Variants in CD47 observed in about 807,000 individuals in gnomAD.
CD47 encodes CD47 molecule, also known as leukocyte surface antigen CD47.
Under a neutral mutation model 44.6 loss-of-function variants are expected in CD47, and 11 were observed. That is an observed-to-expected ratio of 0.25 (90% CI 0.16 to 0.41). CD47 has a LOEUF of 0.41. Among genes scored for constraint, CD47 ranks in the 10% least tolerant of loss-of-function variants. CD47 has a pLI of 1.00. For synonymous variants in CD47, 140 were observed against 136.3 expected, an observed-to-expected ratio of 1.03 and a Z score of -0.19; for missense variants, 306 against 386.7, an observed-to-expected ratio of 0.79 and a Z score of 1.75.
chr3:108,082,464 T>A (rs1402988563), intron 1 of CD47, among the ~76,000 whole-genome samples: 1 of 152,078 alleles, frequency 6.6e-6, no homozygotes, highest in Non-Finnish European at 1.5e-5. Flanking sequence ...TGATTGCCTA[T>A]AAATGTGTCT....
chr3:108,055,438 T>C, intron 7 of CD47: 1 of 772,578 alleles, frequency 1.3e-6, no homozygotes, highest in African/African-American at 1.8e-5. Context: ...AGATTCAGAT[T>C]TACACAGTCA....
At chr3:108,061,019 T>C (rs1207924404) in intron 3 of CD47, among the ~76,000 whole-genome samples, 167 bp from the exon 4 acceptor site, 1 of 151,822 alleles carries the variant, frequency 6.6e-6, no homozygotes, top group Non-Finnish European at 1.5e-5. Flanking sequence ...CATAAGCAAA[T>C]GGATAACGTC....
At chr3:108,051,867 C>T (rs773182367) in intron 8 of CD47, 72 bp downstream of exon 8, 8 of 1,126,732 alleles carry the variant, frequency 7.1e-6, no homozygotes, top group Non-Finnish European at 1.1e-5. Context: ...AGCAAAATAT[C>T]TCAATTACCA....
chr3:108,069,904 G>C (rs2079168374), intron 3 of CD47, among the ~76,000 whole-genome samples: 1 of 152,104 alleles, frequency 6.6e-6, no homozygotes, highest in South Asian at 2.1e-4. Context: ...AAAAAACTAA[G>C]AGATTATAAG....
intron 6 of CD47, among the ~76,000 whole-genome samples, chr3:108,057,924 G>A (rs964870023): frequency 5.9e-5 from 9 of 152,150 alleles, no homozygotes; most frequent in African/African-American, 1.7e-4. Context: ...TCTTTGTAGC[G>A]AGGAGGAAAG....
chr3:108,043,754 G>C lies in CD47; in HGVS notation c.*3534C>G, dbSNP rs1466840923. 6.6e-6 allele frequency: 1 copy of C among 152,552 alleles called. No homozygotes were observed. Among genetic ancestry groups the C allele is most frequent in the African/African-American group, 2.4e-5 (1 of 41,424 alleles). 9.4% of individuals were successfully genotyped at this position (152,552 alleles called of 1,614,324 possible). On this transcript the variant is annotated 3_prime_UTR_variant, in exon 11 of 11. Coordinates refer to ENST00000361309, the MANE Select transcript of CD47 (RefSeq NM_001777.4). ...AGATTTAAGATGTTGTCTTACAGAG[G>C]AGCTTAGTACAAATGCTTTCTTTTT...
At chr3:108,056,262 A>C (rs1404159093) in intron 7 of CD47, among the ~76,000 whole-genome samples, 1 of 152,240 alleles carries the variant, frequency 6.6e-6, no homozygotes, top group Non-Finnish European at 1.5e-5. Flanking sequence ...GTGGTATAAA[A>C]TTAGAAAATT....
At chr3:108,052,628 G>A (rs1045033657) in intron 7 of CD47, 3 of 152,258 alleles carry the variant, frequency 2.0e-5, no homozygotes, top group African/African-American at 7.2e-5. Flanking sequence ...CCCTAGTTGG[G>A]GAGGGAAGAA....
intron 3 of CD47, among the ~76,000 whole-genome samples, chr3:108,066,095 C>T (rs1285840715): frequency 6.6e-6 from 1 of 151,960 alleles, no homozygotes; most frequent in Non-Finnish European, 1.5e-5. Context: ...GTCCTCAAGT[C>T]AAAACTCAAG....
intron 1 of CD47, among the ~76,000 whole-genome samples, chr3:108,085,051 A>G (rs944870880): frequency 6.6e-6 from 1 of 152,146 alleles, no homozygotes; most frequent in Admixed American, 6.5e-5. Flanking sequence ...TAAGTACATT[A>G]GCATGGAATA....
intron 5 of CD47, 73 bp from the exon 6 acceptor site, chr3:108,058,502 G>T: frequency 1.0e-6 from 1 of 979,356 alleles, no homozygotes; most frequent in Non-Finnish European, 1.5e-6. Context: ...ACTTGCATTT[G>T]GTATAATCAG....
At chr3:108,048,382 T>G (rs949073172) in intron 10 of CD47, among the ~76,000 whole-genome samples, 10 of 137,000 alleles carry the variant, frequency 7.3e-5, no homozygotes, top group Non-Finnish European at 1.1e-4. Flanking sequence ...TTTTTTTTTT[T>G]TTTTTTTTTT....
chr3:108,080,957 G>T (rs527393254), intron 1 of CD47, among the ~76,000 whole-genome samples: 1 of 151,842 alleles, frequency 6.6e-6, no homozygotes, highest in South Asian at 2.1e-4. Context: ...AACATTATCT[G>T]TGGCTACTTT....
At chr3:108,062,504 T>C (rs1253481892) in intron 3 of CD47, among the ~76,000 whole-genome samples, 1 of 152,158 alleles carries the variant, frequency 6.6e-6, no homozygotes, top group Non-Finnish European at 1.5e-5. Context: ...CAAACATTCA[T>C]AAGAAACTCT....
At chr3:108,079,066 T>C (rs1224877225) in intron 2 of CD47, among the ~76,000 whole-genome samples, 1 of 152,074 alleles carries the variant, frequency 6.6e-6, no homozygotes, top group Non-Finnish European at 1.5e-5. Flanking sequence ...ACCCCATTCC[T>C]AATCTGGTAG....
chr3:108,046,364 A>AT lies in CD47; in HGVS notation c.*923dup, dbSNP rs1576980683. 6.5e-6 allele frequency: 1 copy of AT among 152,692 alleles called. No individual in the cohort carries two copies. The highest frequency in any genetic ancestry group is 1.9e-4 in the East Asian group (1 of 5,186). The allele number at this position is 152,692 out of a possible 1,614,324, so 9.5% of individuals were successfully genotyped here. A position where few individuals can be genotyped will look rare whatever the true frequency, so the allele number is the denominator to read the frequency against. On this transcript the variant is annotated 3_prime_UTR_variant, in exon 11 of 11. Coordinates refer to ENST00000361309, the MANE Select transcript of CD47 (RefSeq NM_001777.4). ...GAAAAGAAGTGAAGAAACACTGTAGATTTTTGCCTTCAAATCAGAGGAAGG... is the reference window on the plus strand; with the variant it reads ...GAAAAGAAGTGAAGAAACACTGTAGATTTTTTGCCTTCAAATCAGAGGAAGG...
At chr3:108,051,637 T>C in intron 8 of CD47, 2 of 520,374 alleles carry the variant, frequency 3.8e-6, no homozygotes, top group Non-Finnish European at 3.8e-6. Flanking sequence ...AGGTGATATA[T>C]TGGAATCAGC....
intron 1 of CD47, among the ~76,000 whole-genome samples, chr3:108,082,761 A>G (rs950997370): frequency 2.0e-5 from 3 of 152,060 alleles, no homozygotes; most frequent in African/African-American, 4.8e-5. Flanking sequence ...ACAGAAAGCA[A>G]TAATTATACT....
At chr3:108,056,948 T>C (rs1414632691) in intron 7 of CD47, among the ~76,000 whole-genome samples, 1 of 152,192 alleles carries the variant, frequency 6.6e-6, no homozygotes, top group African/African-American at 2.4e-5. Context: ...AAGTCATGCA[T>C]TAGAGGTCAC....
Sources: gnomAD v4.1 joint callset for allele counts (sites outside exome capture counted in the v4.1 genomes callset) on GRCh38, gnomAD v4.1.1 for gene constraint, MANE v1.5 for transcripts, NCBI Gene and HGNC (gene_info 2026-07-23, HGNC 2026-07-21) for gene names.